C12orf54: variants seen among roughly 807,000 people sequenced by gnomAD.
C12orf54 encodes chromosome 12 open reading frame 54.
C12orf54 carries 24 observed loss-of-function variants against 26.4 expected under a neutral mutation model. The observed-to-expected ratio is 0.91, with a 90% CI of 0.66 to 1.28. The LOEUF (loss-of-function observed/expected upper bound fraction) is 1.28, where lower values mean the gene tolerates loss of function less well. Among genes scored for constraint, C12orf54 ranks in the 50% most tolerant of loss-of-function variants. C12orf54 has a pLI of 0.00. For missense variants in C12orf54, 154 were observed against 150.9 expected, an observed-to-expected ratio of 1.02 and a Z score of -0.11; for synonymous variants, 54 against 47.0, an observed-to-expected ratio of 1.15 and a Z score of -0.61.
chr12:48,445,364 G>A, the C12orf54 span, among the ~76,000 whole-genome samples: 2 of 151,890 alleles, frequency 1.3e-5, no homozygotes, highest in African/African-American at 4.8e-5. Flanking sequence ...TCACCAACTG[G>A]ACAGGTTTGC....
the C12orf54 span, among the ~76,000 whole-genome samples, chr12:48,439,590 C>T: frequency 6.6e-6 from 1 of 152,184 alleles, no homozygotes; most frequent in South Asian, 2.1e-4. Context: ...AGTTCATGTC[C>T]TTTGTAGGGA....
At chr12:48,431,391 G>C in the C12orf54 span, among the ~76,000 whole-genome samples, 1 of 152,214 alleles carries the variant, frequency 6.6e-6, no homozygotes, top group South Asian at 2.1e-4. Flanking sequence ...TAACTTTGCT[G>C]TATGTTGGAA....
chr12:48,438,884 C>T, the C12orf54 span, among the ~76,000 whole-genome samples: 1 of 152,082 alleles, frequency 6.6e-6, no homozygotes, highest in Non-Finnish European at 1.5e-5. Context: ...GCAATGGCAA[C>T]AAAAGCCCAA....
chr12:48,445,408 T>G, the C12orf54 span, among the ~76,000 whole-genome samples: 62 of 152,308 alleles, frequency 4.1e-4, 2 homozygotes, highest in African/African-American at 1.4e-3. Context: ...GTTCTGCACT[T>G]TCGCATACCT....
At chr12:48,443,995 A>T in the C12orf54 span, among the ~76,000 whole-genome samples, 2 of 152,234 alleles carry the variant, frequency 1.3e-5, no homozygotes, top group African/African-American at 2.4e-5. Context: ...TTTAACAATA[A>T]ACAGCACAGA....
the C12orf54 span, among the ~76,000 whole-genome samples, chr12:48,467,808 C>T: frequency 1.3e-5 from 2 of 152,088 alleles, no homozygotes; most frequent in East Asian, 3.9e-4. Flanking sequence ...AATTATACCT[C>T]AATAAAGTTC....
chr12:48,488,922 A>G lies in C12orf54; in HGVS notation c.136-2A>G. ...TTTTTCTATATTTTTGTCTTCTGTC[A>G]GGTGCTGACAGTTTTTAAGGATATA... On this transcript the variant is annotated splice_acceptor_variant, in intron 4 of 8. Transcript: ENST00000548364. LOFTEE classifies it high-confidence loss of function. 1 of 1,605,152 alleles carries G rather than the reference A, an allele frequency of 6.2e-7. No homozygotes were observed. The highest frequency in any genetic ancestry group is 2.2e-5 in the East Asian group (1 of 44,810).
chr12:48,429,154 C>A, the C12orf54 span, among the ~76,000 whole-genome samples: 3 of 151,878 alleles, frequency 2.0e-5, no homozygotes, highest in Non-Finnish European at 4.4e-5. Context: ...AATCGGCATA[C>A]AAGGAACATA....
the C12orf54 span, among the ~76,000 whole-genome samples, chr12:48,469,680 T>G: frequency 1.3e-5 from 2 of 152,194 alleles, no homozygotes; most frequent in African/African-American, 2.4e-5. Context: ...TAAGTGTCCA[T>G]GAAATCTTCA....
intron 3 of C12orf54, 182 bp downstream of exon 3, chr12:48,486,390 C>A: frequency 1.6e-6 from 1 of 642,286 alleles, no homozygotes; most frequent in South Asian, 1.9e-5. Flanking sequence ...TCCAATGCCA[C>A]CACTTCACCA....
chr12:48,447,176 A>C, the C12orf54 span, among the ~76,000 whole-genome samples: 1 of 150,530 alleles, frequency 6.6e-6, no homozygotes, highest in East Asian at 2.0e-4. Context: ...GTGCCCTTGT[A>C]AGAGATATGA....
At chr12:48,434,773 A>G in the C12orf54 span, among the ~76,000 whole-genome samples, 1 of 152,214 alleles carries the variant, frequency 6.6e-6, no homozygotes, top group African/African-American at 2.4e-5. Flanking sequence ...CGTCACCATC[A>G]TCAAAGACCA....
chr12:48,488,131 C>T (rs1937694015), intron 4 of C12orf54: 1 of 793,126 alleles, frequency 1.3e-6, no homozygotes. Context: ...GAACAGTTTG[C>T]CTGGAGACAT....
At chr12:48,424,050 T>G in the C12orf54 span, among the ~76,000 whole-genome samples, 1 of 152,138 alleles carries the variant, frequency 6.6e-6, no homozygotes, top group Non-Finnish European at 1.5e-5. Flanking sequence ...TTCTTTTTAA[T>G]TATAAGTGGA....
the C12orf54 span, among the ~76,000 whole-genome samples, chr12:48,456,262 A>G: frequency 6.6e-6 from 1 of 152,194 alleles, no homozygotes; most frequent in Non-Finnish European, 1.5e-5. Context: ...TGTAATGAGG[A>G]ATAAAGTTAT....
At chr12:48,473,723 G>A in the C12orf54 span, 1 of 175,494 alleles carries the variant, frequency 5.7e-6, no homozygotes, top group Non-Finnish European at 1.2e-5. Flanking sequence ...CAAAGAAGAT[G>A]GTTTGGAGTT....
At chr12:48,472,356 G>T in the C12orf54 span, among the ~76,000 whole-genome samples, 1 of 152,128 alleles carries the variant, frequency 6.6e-6, no homozygotes, top group African/African-American at 2.4e-5. Context: ...ATACTATGGC[G>T]TGGCCTAGAG....
the C12orf54 span, chr12:48,472,822 G>A: frequency 6.2e-7 from 1 of 1,614,122 alleles, no homozygotes; most frequent in Non-Finnish European, 8.5e-7. Context: ...ATCAACATAG[G>A]CCTCACCTCA....
the C12orf54 span, among the ~76,000 whole-genome samples, chr12:48,457,535 T>G: frequency 1.3e-5 from 2 of 152,088 alleles, no homozygotes; most frequent in Non-Finnish European, 2.9e-5. Context: ...GTTTTCACCA[T>G]GTTGGTCAGG....
Sources: gnomAD v4.1 joint callset for allele counts (sites outside exome capture counted in the v4.1 genomes callset) on GRCh38, gnomAD v4.1.1 for gene constraint, MANE v1.5 for transcripts, NCBI Gene and HGNC (gene_info 2026-07-23, HGNC 2026-07-21) for gene names.